Variants in SEC22C observed in about 807,000 individuals in gnomAD.
SEC22C encodes vesicle-trafficking protein SEC22c.
A neutral mutation model predicts 34.7 loss-of-function variants in SEC22C; 29 were observed. The ratio of observed to expected loss-of-function variants is 0.84; its 90% confidence interval spans 0.62 to 1.14. The LOEUF is 1.14. SEC22C is among the 50% of genes most tolerant of loss of function. The probability of loss-of-function intolerance (pLI) is 0.00; values close to 1 mark genes in which losing one functional copy is unlikely to be tolerated. For missense variants in SEC22C, 337 were observed against 369.0 expected (o/e 0.91, Z 0.71); for synonymous variants, 117 against 132.8 (o/e 0.88, Z 0.82).
chr3:42,559,083 C>A (rs192455178), intron 4 of SEC22C, among the ~76,000 whole-genome samples: 1 of 152,348 alleles, frequency 6.6e-6, no homozygotes, highest in Admixed American at 6.5e-5. Context: ...TGCTCATTTT[C>A]TCTGTAAAGA....
At chr3:42,592,525 A>G (rs915240410) in intron 1 of SEC22C, among the ~76,000 whole-genome samples, 1 of 152,182 alleles carries the variant, frequency 6.6e-6, no homozygotes, top group African/African-American at 2.4e-5. Context: ...ATAGAAAAAT[A>G]TATTATTTCA....
chr3:42,600,951 T>A, intron 1 of SEC22C: 28 of 1,135,802 alleles, frequency 2.5e-5, no homozygotes, highest in East Asian at 6.5e-5. Flanking sequence ...CCCTCGCCCC[T>A]GCCCTGACCG....
In SEC22C at chr3:42,551,718, A is replaced by G; in HGVS notation, c.*1530T>C. The G allele has an allele frequency of 1.0e-6, 1 of 962,840 alleles. No individual in the cohort carries two copies. The highest frequency in any genetic ancestry group is 1.2e-6 in the Non-Finnish European group (1 of 809,350). The allele number at this position is 962,840 out of a possible 1,614,324, so 59.6% of individuals were successfully genotyped here. On this transcript the variant is annotated 3_prime_UTR_variant, in exon 7 of 7. Transcript: ENST00000264454. Reference sequence around the variant, plus strand: ...AAGTTACTATGGCAACATTTTCCCAACATAGTTCCCAGTATATAAACTTAT... The same window carrying G: ...AAGTTACTATGGCAACATTTTCCCAGCATAGTTCCCAGTATATAAACTTAT...
At position 42,568,900 on chromosome 3, in the gene SEC22C, AC is replaced by A; in HGVS notation, c.146del (p.Gly49ValfsTer57). ...AGTCACAACCTTCTGCAGAACCTCGACCTGGATACTGGGCCAGTCGCAAGGC... is the reference window on the plus strand; with the variant it reads ...AGTCACAACCTTCTGCAGAACCTCGACTGGATACTGGGCCAGTCGCAAGGC... ...SLALRLAQYP[G>X]RGSAEGCDFS... is the part of the protein sequence containing the mutation. On this transcript the variant is annotated frameshift_variant, in exon 2 of 7. Transcript: ENST00000264454. LOFTEE classifies it high-confidence loss of function. 1.2e-6 allele frequency: 2 copies of A among 1,614,192 alleles called. No individual in the cohort carries two copies. The highest frequency in any genetic ancestry group is 1.7e-6 in the Non-Finnish European group (2 of 1,180,038).
In SEC22C at chr3:42,569,052, A is replaced by G. The variant is rs750634875; in HGVS notation, c.-6T>C. On this transcript the variant is annotated 5_prime_UTR_variant, in exon 2 of 7. Transcript: ENST00000264454. The stretch of plus-strand genomic sequence containing the variant: ...GCAAAAAAGATCACGGACATGGTCC[A>G]CAAGAGAAGTCATGAGGACACCTGA... The G allele has an allele frequency of 3.7e-6, 6 of 1,612,972 alleles. No individual in the cohort carries two copies. Among genetic ancestry groups the G allele is most frequent in the Non-Finnish European group, 5.1e-6 (6 of 1,179,424 alleles).
At chr3:42,558,987 A>ATT (rs1202711622) in intron 4 of SEC22C, among the ~76,000 whole-genome samples, 2 of 152,236 alleles carry the variant, frequency 1.3e-5, no homozygotes, top group Admixed American at 1.3e-4. Context: ...AGCAAATGCA[A>ATT]TTTTTAAAAT....
At chr3:42,561,035 T>A (rs1702868994) in intron 4 of SEC22C, 82 bp downstream of exon 4, 1 of 1,437,124 alleles carries the variant, frequency 7.0e-7, no homozygotes, top group Non-Finnish European at 9.5e-7. Context: ...AAAAAATAGC[T>A]TTCTAGTGAA....
chr3:42,589,603 G>A (rs1704744656), intron 1 of SEC22C, among the ~76,000 whole-genome samples: 1 of 152,326 alleles, frequency 6.6e-6, no homozygotes, highest in Admixed American at 6.5e-5. Flanking sequence ...TCAGATCAGC[G>A]GGGGCATTAG....
chr3:42,581,839 C>T lies in SEC22C; in HGVS notation c.-28+7G>A, dbSNP rs938832866. 5 of 152,706 alleles carry T rather than the reference C, an allele frequency of 3.3e-5. No individual in the cohort carries two copies. The highest frequency in any genetic ancestry group is 1.2e-4 in the African/African-American group (5 of 41,596). 9.5% of individuals were successfully genotyped at this position (152,706 alleles called of 1,614,324 possible). ...CGCGGCACCCGCCTCCGCCCGCCAG[C>T]CCTCACCTCGCCCGGACGGCGGCCT... On this transcript the variant is annotated splice_region_variant and intron_variant, in intron 1 of 6. Transcript: ENST00000264454.
At position 42,551,313 on chromosome 3, in the gene SEC22C, T is replaced by C; in HGVS notation, c.*1935A>G. On this transcript the variant is annotated 3_prime_UTR_variant, in exon 7 of 7. Coordinates refer to ENST00000264454, the MANE Select transcript of SEC22C (RefSeq NM_032970.4). ...TCAGTGTAGAGACAACTTTGGAGTT[T>C]ATGTCTGAGTATGCTGCCAATATAA... is the stretch of plus-strand genomic sequence containing the variant. 3.0e-6 allele frequency: 3 copies of C among 985,440 alleles called. No homozygotes were observed. Among genetic ancestry groups the C allele is most frequent in the Non-Finnish European group, 3.6e-6 (3 of 829,942 alleles). 61.0% of individuals were successfully genotyped at this position (985,440 alleles called of 1,614,324 possible).
chr3:42,591,472 C>T (rs1704837659), intron 1 of SEC22C: 4 of 1,368,174 alleles, frequency 2.9e-6, no homozygotes, highest in Non-Finnish European at 4.2e-6. Flanking sequence ...GGGTTACAGG[C>T]GTGAGCCACT....
At position 42,553,112 on chromosome 3, in the gene SEC22C, C is replaced by A; in HGVS notation, c.*136G>T. 6.9e-7 allele frequency: 1 copy of A among 1,455,252 alleles called. No individual in the cohort carries two copies. Among genetic ancestry groups the A allele is most frequent in the Non-Finnish European group, 9.0e-7 (1 of 1,111,142 alleles). 90.1% of individuals were successfully genotyped at this position (1,455,252 alleles called of 1,614,324 possible). On this transcript the variant is annotated 3_prime_UTR_variant, in exon 7 of 7. Coordinates refer to ENST00000264454, the MANE Select transcript of SEC22C (RefSeq NM_032970.4). ...CATGACTTCCACTGCAACTGTTTAA[C>A]ATCCCCAATTCCTGGTTTTTCAGTC...
intron 1 of SEC22C, among the ~76,000 whole-genome samples, chr3:42,571,301 G>C (rs902025227): frequency 6.6e-6 from 1 of 151,954 alleles, no homozygotes; most frequent in African/African-American, 2.4e-5. Flanking sequence ...TCAAATATTA[G>C]TATTCAAGAT....
chr3:42,589,510 G>C (rs949066163), intron 1 of SEC22C, among the ~76,000 whole-genome samples: 2 of 152,144 alleles, frequency 1.3e-5, no homozygotes, highest in Admixed American at 1.3e-4. Flanking sequence ...ATCCACCACG[G>C]ATGGCTAGAA....
intron 4 of SEC22C, among the ~76,000 whole-genome samples, chr3:42,558,045 G>T (rs1260695826): frequency 6.6e-6 from 1 of 152,206 alleles, no homozygotes; most frequent in African/African-American, 2.4e-5. Context: ...GTCATTTCTG[G>T]TTGTCACAAC....
At position 42,549,710 on chromosome 3, in the gene SEC22C, ACT is replaced by A. The variant is rs1177161780; in HGVS notation, c.*3536_*3537del. 2.0e-6 allele frequency: 2 copies of A among 985,408 alleles called. No homozygotes were observed. Among genetic ancestry groups the A allele is most frequent in the Non-Finnish European group, 2.4e-6 (2 of 829,952 alleles). 61.0% of individuals were successfully genotyped at this position (985,408 alleles called of 1,614,324 possible). ...ATCCCTCCAGAGACTCCAGTTTCAGACTCTGTCTCCAGAGCTGGAATGTATAG... is the reference window on the plus strand; with the variant it reads ...ATCCCTCCAGAGACTCCAGTTTCAGACTGTCTCCAGAGCTGGAATGTATAG... On this transcript the variant is annotated 3_prime_UTR_variant, in exon 7 of 7. Transcript: ENST00000264454.
At chr3:42,600,781 G>A (rs1705307819) in intron 1 of SEC22C, 2 of 377,952 alleles carry the variant, frequency 5.3e-6, no homozygotes, top group Admixed American at 4.7e-5. Flanking sequence ...CCAGCCAGGT[G>A]AAGAGCTCGC....
upstream of SEC22C, among the ~76,000 whole-genome samples, chr3:42,584,370 T>A (rs570927830): frequency 6.6e-6 from 1 of 152,170 alleles, no homozygotes; most frequent in African/African-American, 2.4e-5. Flanking sequence ...TTCTTCTGCC[T>A]CAGCCTCCCA....
At chr3:42,599,176 A>G (rs985542703) in intron 1 of SEC22C, among the ~76,000 whole-genome samples, 8 of 150,732 alleles carry the variant, frequency 5.3e-5, no homozygotes, top group South Asian at 4.2e-4. Flanking sequence ...CGTGTTAGCC[A>G]GGATGGTCTC....
Sources: gnomAD v4.1 joint callset for allele counts (sites outside exome capture counted in the v4.1 genomes callset) on GRCh38, gnomAD v4.1.1 for gene constraint, MANE v1.5 for transcripts, NCBI Gene and HGNC (gene_info 2026-07-23, HGNC 2026-07-21) for gene names.